IL13RA1: variants seen among roughly 807,000 people sequenced by gnomAD.
The protein encoded by IL13RA1 is interleukin 13 receptor subunit alpha 1, also known as interleukin-13 receptor subunit alpha-1.
Under a neutral mutation model 33.8 loss-of-function variants are expected in IL13RA1, and 14 were observed. The ratio of observed to expected loss-of-function variants is 0.41; its 90% CI spans 0.27 to 0.65. IL13RA1 has a LOEUF of 0.65. IL13RA1 is among the 30% of genes least tolerant of loss of function. IL13RA1 has a pLI of 0.28. For synonymous variants in IL13RA1, 116 were observed against 115.7 expected (o/e 1.00, Z -0.02); for missense variants, 313 against 327.0 (o/e 0.96, Z 0.33).
intron 4 of IL13RA1, among the ~76,000 whole-genome samples, chrX:118,753,737 G>A (rs2017495614): frequency 8.9e-6 from 1 of 112,406 alleles, no homozygotes; most frequent in East Asian, 2.8e-4. Context: ...ATGTTGCCCA[G>A]GTTGCTCTCG....
At chrX:118,791,625 A>G (rs774915484) in intron 10 of IL13RA1, 137 bp from the exon 11 acceptor site, 1 of 271,040 alleles carries the variant, frequency 3.7e-6, no homozygotes, top group East Asian at 5.7e-5. Context: ...TTAGGTCAAA[A>G]AAAAAAAAAA....
rs774179890 is a variant in IL13RA1, at chrX:118,792,875, A to G, written c.*1021A>G. 1 of 111,233 alleles carries G rather than the reference A, an allele frequency of 9.0e-6. No homozygotes were observed. Among genetic ancestry groups the G allele is most frequent in the East Asian group, 2.9e-4 (1 of 3,508 alleles). 9.2% of individuals were successfully genotyped at this position (111,233 alleles called of 1,213,427 possible). On this transcript the variant is annotated 3_prime_UTR_variant, in exon 11 of 11. Coordinates refer to ENST00000371666, the MANE Select transcript of IL13RA1 (RefSeq NM_001560.3). ...CTCCTTGGGTATTAGAGTTTCAACC[A>G]TGAAGTCTCTAACAATGTATTTTCT...
At chrX:118,773,720 T>TAATTTAACAG (rs1456156295) in intron 8 of IL13RA1, among the ~76,000 whole-genome samples, 159 bp from the exon 9 acceptor site, 1 of 111,034 alleles carries the variant, frequency 9.0e-6, no homozygotes, top group African/African-American at 3.3e-5. Context: ...TTTAAACTAT[T>TAATTTAACAG]AATTTAACAG....
intron 8 of IL13RA1, among the ~76,000 whole-genome samples, chrX:118,769,325 G>A (rs1034289492): frequency 8.9e-6 from 1 of 112,673 alleles, no homozygotes; most frequent in African/African-American, 3.2e-5. Flanking sequence ...TATGTTAGAT[G>A]TAGCAAGGCA....
intron 10 of IL13RA1, among the ~76,000 whole-genome samples, chrX:118,784,123 A>G (rs76773653): frequency 0.015 from 333 of 22,199 alleles, 6 homozygotes; most frequent in Middle Eastern, 0.071. Flanking sequence ...ATATATGTAT[A>G]TATATGTATA....
chrX:118,803,927 TCTC>T, the IL13RA1 span, among the ~76,000 whole-genome samples: 2 of 100,371 alleles, frequency 2.0e-5, no homozygotes, highest in Non-Finnish European at 4.0e-5. Context: ...CCTTCCTCTC[TCTC>T]TTTTTTTTCT....
At chrX:118,746,745 C>T (rs906882130) in intron 2 of IL13RA1, among the ~76,000 whole-genome samples, 3 of 109,893 alleles carry the variant, frequency 2.7e-5, no homozygotes, top group Non-Finnish European at 5.7e-5. Context: ...ACCTCCCCCT[C>T]CCAAGTTAGG....
chrX:118,764,841 A>G (rs1452680571), intron 6 of IL13RA1, among the ~76,000 whole-genome samples: 1 of 111,866 alleles, frequency 8.9e-6, no homozygotes, highest in Non-Finnish European at 1.9e-5. Context: ...ACTCTCAACA[A>G]GGGACACTGG....
chrX:118,802,903 C>T, the IL13RA1 span, among the ~76,000 whole-genome samples: 1 of 111,541 alleles, frequency 9.0e-6, no homozygotes, highest in Non-Finnish European at 1.9e-5. Flanking sequence ...CCCCACTATC[C>T]CCCACCAACA....
chrX:118,774,152 C>CTTTTT (rs749517738), intron 9 of IL13RA1, among the ~76,000 whole-genome samples, 177 bp downstream of exon 9: 13 of 95,353 alleles, frequency 1.4e-4, no homozygotes, highest in Non-Finnish European at 1.3e-4. Context: ...CTTTTCTTTT[C>CTTTTT]TTTTTTTTTT....
chrX:118,740,648 C>T (rs956179165), intron 1 of IL13RA1, among the ~76,000 whole-genome samples: 1 of 111,892 alleles, frequency 8.9e-6, no homozygotes, highest in African/African-American at 3.3e-5. Flanking sequence ...CAAAAATTAG[C>T]CAGGCGTGGT....
chrX:118,802,216 C>T, the IL13RA1 span, among the ~76,000 whole-genome samples: 1 of 112,153 alleles, frequency 8.9e-6, no homozygotes. Flanking sequence ...AACATCGAGT[C>T]CAGAGGAGGC....
At chrX:118,732,552 C>T (rs918976005) in intron 1 of IL13RA1, among the ~76,000 whole-genome samples, 2 of 109,694 alleles carry the variant, frequency 1.8e-5, no homozygotes, top group Admixed American at 2.0e-4. Context: ...ATCCCTCCCC[C>T]ATCCCCCCAC....
chrX:118,783,098 C>T (rs1338525190), intron 10 of IL13RA1, among the ~76,000 whole-genome samples: 3 of 112,006 alleles, frequency 2.7e-5, no homozygotes, highest in Non-Finnish European at 5.6e-5. Context: ...ACAATCCACT[C>T]TGGAAAATAT....
chrX:118,798,825 G>T (rs1024911509), downstream of IL13RA1, among the ~76,000 whole-genome samples: 1 of 112,850 alleles, frequency 8.9e-6, no homozygotes, highest in Non-Finnish European at 1.9e-5. Flanking sequence ...CGCTCTCGGC[G>T]CCTCCTCTGC....
intron 2 of IL13RA1, 57 bp downstream of exon 2, chrX:118,741,213 G>A (rs2017341117): frequency 2.5e-6 from 2 of 797,955 alleles, no homozygotes; most frequent in Non-Finnish European, 3.7e-6. Flanking sequence ...ATGAATTGGA[G>A]CCAAGAATAA....
At chrX:118,785,690 C>T (rs2017909064) in intron 10 of IL13RA1, among the ~76,000 whole-genome samples, 1 of 111,123 alleles carries the variant, frequency 9.0e-6, no homozygotes, top group South Asian at 3.9e-4. Context: ...CCTGCCTCAG[C>T]CTCCCAAGTA....
chrX:118,785,472 AT>A (rs1175548117), intron 10 of IL13RA1, among the ~76,000 whole-genome samples: 28 of 111,524 alleles, frequency 2.5e-4, no homozygotes, highest in African/African-American at 8.8e-4. Flanking sequence ...CTACTTTTTA[AT>A]CTATTTAAGA....
intron 4 of IL13RA1, among the ~76,000 whole-genome samples, chrX:118,751,812 A>C (rs1266810193): frequency 3.8e-5 from 4 of 106,540 alleles, no homozygotes; most frequent in African/African-American, 1.4e-4. Flanking sequence ...ATGGCCTTTC[A>C]TGCTAGAGTG....
Sources: allele counts gnomAD v4.1 joint callset (sites outside exome capture counted in the v4.1 genomes callset), GRCh38; gene constraint gnomAD v4.1.1; transcripts MANE v1.5; gene names NCBI Gene and HGNC (gene_info 2026-07-23, HGNC 2026-07-21).